The following ZNF782 variants were observed in gnomAD, a reference collection of about 807,000 sequenced individuals.
The protein encoded by ZNF782 is zinc finger protein 782.
A neutral mutation model predicts 13.0 loss-of-function variants in ZNF782; 12 were observed. The observed-to-expected ratio is 0.92, with a 90% confidence interval of 0.59 to 1.50. The LOEUF (loss-of-function observed/expected upper bound fraction) is 1.50. ZNF782 is among the 40% of genes most tolerant of loss of function. ZNF782 has a pLI of 0.00. For missense variants in ZNF782, 770 were observed against 822.9 expected, an observed-to-expected ratio of 0.94 and a Z score of 0.79; for synonymous variants, 284 against 283.0, an observed-to-expected ratio of 1.00 and a Z score of -0.04.
the ZNF782 span, among the ~76,000 whole-genome samples, chr9:96,912,875 C>T: frequency 5.6e-4 from 85 of 151,684 alleles, no homozygotes; most frequent in Non-Finnish European, 9.7e-4. Flanking sequence ...TTTTTTTGGC[C>T]TGTTTGATAT....
At chr9:96,927,876 TAA>T in the ZNF782 span, among the ~76,000 whole-genome samples, 1 of 149,934 alleles carries the variant, frequency 6.7e-6, no homozygotes, top group African/African-American at 2.5e-5. Flanking sequence ...CCTACAGAAA[TAA>T]AGAGAGGAAC....
At chr9:96,903,191 T>C in the ZNF782 span, 2 of 151,948 alleles carry the variant, frequency 1.3e-5, no homozygotes, top group Non-Finnish European at 2.9e-5. Flanking sequence ...AGAAACTCCC[T>C]CATGCTGCTC....
At chr9:96,876,800 G>A (rs529868484), upstream of ZNF782, among the ~76,000 whole-genome samples, 45 of 152,044 alleles carry the variant, frequency 3.0e-4, no homozygotes, top group African/African-American at 1.1e-3. Context: ...GAGTTCAGAA[G>A]TTCGCGACCA....
At chr9:96,901,833 C>T in the ZNF782 span, among the ~76,000 whole-genome samples, 1 of 139,804 alleles carries the variant, frequency 7.2e-6, no homozygotes, top group African/African-American at 2.7e-5. Flanking sequence ...TGACCAAGAT[C>T]GCGCCATTGC....
chr9:96,824,774 G>A (rs1850556974), intron 5 of ZNF782, among the ~76,000 whole-genome samples: 1 of 148,480 alleles, frequency 6.7e-6, no homozygotes, highest in Non-Finnish European at 1.5e-5. Context: ...GACAAACAGA[G>A]AGCCAAATCA....
chr9:96,879,211 G>T (rs544707164), upstream of ZNF782, among the ~76,000 whole-genome samples: 2 of 152,206 alleles, frequency 1.3e-5, no homozygotes, highest in Non-Finnish European at 2.9e-5. Flanking sequence ...TACTTAGGCC[G>T]GGCGCAGTGG....
chr9:96,916,711 TG>T, the ZNF782 span, among the ~76,000 whole-genome samples: 3 of 151,458 alleles, frequency 2.0e-5, no homozygotes, highest in African/African-American at 7.3e-5. Flanking sequence ...TTGCGGAGGC[TG>T]GGCTCATCCC....
At chr9:96,887,340 A>AGGGAGGGAGG in the ZNF782 span, 1 of 144,430 alleles carries the variant, frequency 6.9e-6, no homozygotes, top group African/African-American at 2.6e-5. Context: ...GAAGGAAGGA[A>AGGGAGGGAGG]GAAAGAAAGA....
chr9:96,886,263 C>T, the ZNF782 span, among the ~76,000 whole-genome samples: 1 of 148,320 alleles, frequency 6.7e-6, no homozygotes, highest in African/African-American at 2.5e-5. Flanking sequence ...GTGAAAATAT[C>T]CTTTAAGAAT....
chr9:96,879,719 TA>T (rs1851939672), upstream of ZNF782, among the ~76,000 whole-genome samples: 1 of 152,216 alleles, frequency 6.6e-6, no homozygotes. Context: ...GGAACATTGT[TA>T]GATTTGTTTC....
At chr9:96,820,775 C>T (rs1850393304) in intron 5 of ZNF782, among the ~76,000 whole-genome samples, 1 of 152,120 alleles carries the variant, frequency 6.6e-6, no homozygotes, top group Non-Finnish European at 1.5e-5. Flanking sequence ...GTCTCGAACT[C>T]CTGATCTCAG....
chr9:96,860,842 T>C (rs1241296013), intron 2 of ZNF782, among the ~76,000 whole-genome samples: 2 of 152,160 alleles, frequency 1.3e-5, no homozygotes, highest in East Asian at 3.8e-4. Flanking sequence ...AATGGGGAAA[T>C]GACAGTCTCG....
In ZNF782 at chr9:96,818,119, T is replaced by A; in HGVS notation, c.1904A>T (p.Lys635Ile). Residue 635 changes from lysine (K) to isoleucine (I), a missense_variant, in exon 6 of 6, where the codon AAA becomes ATA. By Grantham distance (102) the Lys-to-Ile change is moderately radical. Transcript: ENST00000481138. ...KAFSEKSVLR[K>I]HQRTHTGEKP... is the part of the protein sequence containing the mutation. ...CTCCCCGGTGTGAGTTCGCTGATGT[T>A]TTCTTAGGACTGACTTCTCACTGAA... 6.2e-7 allele frequency: 1 copy of A among 1,613,208 alleles called. No individual in the cohort carries two copies. The highest frequency in any genetic ancestry group is 8.5e-7 in the Non-Finnish European group (1 of 1,179,764).
chr9:96,832,803 C>T (rs1273544991), intron 4 of ZNF782, among the ~76,000 whole-genome samples: 1 of 151,808 alleles, frequency 6.6e-6, no homozygotes, highest in Admixed American at 6.6e-5. Flanking sequence ...GCATGAATTC[C>T]TTTGGGTTTA....
the ZNF782 span, chr9:96,887,321 G>A: frequency 6.7e-6 from 1 of 149,850 alleles, no homozygotes; most frequent in East Asian, 2.0e-4. Context: ...AAGGAAGGAA[G>A]GAAGGAAGGA....
chr9:96,833,071 C>T (rs780080810), intron 4 of ZNF782, among the ~76,000 whole-genome samples: 1 of 152,118 alleles, frequency 6.6e-6, no homozygotes, highest in African/African-American at 2.4e-5. Context: ...TCCGTCTTCT[C>T]TCTTCTGCTG....
At chr9:96,878,237 A>G (rs771301359), upstream of ZNF782, among the ~76,000 whole-genome samples, 20 of 152,114 alleles carry the variant, frequency 1.3e-4, no homozygotes, top group Non-Finnish European at 2.6e-4. Flanking sequence ...TTTAGTAGAG[A>G]CAGGGTTTCA....
At chr9:96,885,691 T>C in the ZNF782 span, among the ~76,000 whole-genome samples, 5 of 151,086 alleles carry the variant, frequency 3.3e-5, no homozygotes, top group Non-Finnish European at 5.9e-5. Context: ...AGACACATAA[T>C]AATTAAGTTT....
At chr9:96,844,162 A>G (rs1468147502) in intron 4 of ZNF782, among the ~76,000 whole-genome samples, 1 of 152,248 alleles carries the variant, frequency 6.6e-6, no homozygotes, top group Non-Finnish European at 1.5e-5. Context: ...CTGTGGAGCC[A>G]GTTTGAAAAC....
Sources: gnomAD v4.1 joint callset for allele counts (sites outside exome capture counted in the v4.1 genomes callset) on GRCh38, gnomAD v4.1.1 for gene constraint, MANE v1.5 for transcripts, NCBI Gene and HGNC (gene_info 2026-07-23, HGNC 2026-07-21) for gene names.